The following DOCK10 variants were observed in gnomAD, a reference collection of about 807,000 sequenced individuals.
DOCK10 encodes dedicator of cytokinesis 10.
A neutral mutation model predicts 280.1 loss-of-function variants in DOCK10; 145 were observed. The observed-to-expected ratio is 0.52, with a 90% CI of 0.45 to 0.59. The LOEUF (loss-of-function observed/expected upper bound fraction) is 0.59. DOCK10 is among the 20% of genes least tolerant of loss of function. The pLI, the probability that DOCK10 is intolerant of heterozygous loss-of-function variation, is 0.00. For missense variants in DOCK10, 2,368 were observed against 2,651.7 expected (o/e 0.89, Z 2.35); for synonymous variants, 915 against 942.2 (o/e 0.97, Z 0.53).
intron 47 of DOCK10, among the ~76,000 whole-genome samples, chr2:224,791,631 A>ATTTTTTT (rs11399071): frequency 7.2e-6 from 1 of 139,216 alleles, no homozygotes. Context: ...CGCCCGGCTA[A>ATTTTTTT]TTTTTTTTTT....
chr2:224,828,410 C>T (rs773299748), intron 27 of DOCK10, among the ~76,000 whole-genome samples: 16 of 151,930 alleles, frequency 1.1e-4, no homozygotes, highest in Non-Finnish European at 2.1e-4. Flanking sequence ...TAAGCAAAGT[C>T]GAAATGTCTG....
intron 2 of DOCK10, among the ~76,000 whole-genome samples, chr2:224,923,051 C>T (rs1701857904): frequency 6.6e-6 from 1 of 152,134 alleles, no homozygotes; most frequent in African/African-American, 2.4e-5. Flanking sequence ...ACATCTTTTA[C>T]CACATTCAGA....
intron 51 of DOCK10, among the ~76,000 whole-genome samples, chr2:224,775,616 C>T (rs1690796206): frequency 6.6e-6 from 1 of 152,082 alleles, no homozygotes. Flanking sequence ...GCTGAGATTA[C>T]AGGCATGTGC....
At chr2:224,884,855 A>G (rs973366869) in intron 7 of DOCK10, among the ~76,000 whole-genome samples, 2 of 152,186 alleles carry the variant, frequency 1.3e-5, no homozygotes, top group African/African-American at 2.4e-5. Flanking sequence ...TGTCATTTGC[A>G]TATTATTTTA....
chr2:225,015,191 A>G (rs377345286), intron 1 of DOCK10, among the ~76,000 whole-genome samples: 3 of 152,338 alleles, frequency 2.0e-5, no homozygotes, highest in South Asian at 4.1e-4. Context: ...TTACTAATAT[A>G]GCCAATACAT....
chr2:224,916,595 T>A, intron 3 of DOCK10, 100 bp downstream of exon 3: 2 of 684,816 alleles, frequency 2.9e-6, no homozygotes, highest in Non-Finnish European at 2.4e-6. Flanking sequence ...TGGAATTATC[T>A]ATTGAAAATG....
At chr2:224,766,077 AT>A (rs1261561590) in intron 55 of DOCK10, among the ~76,000 whole-genome samples, 8 of 152,230 alleles carry the variant, frequency 5.3e-5, no homozygotes, top group Admixed American at 1.3e-4. Context: ...ACATAAATTT[AT>A]AAATGTTTGG....
chr2:224,880,689 T>C (rs1322404493), intron 7 of DOCK10, among the ~76,000 whole-genome samples: 1 of 152,216 alleles, frequency 6.6e-6, no homozygotes, highest in African/African-American at 2.4e-5. Flanking sequence ...TGTGGCAAAC[T>C]GTTCTGCTTC....
chr2:224,781,651 G>A (rs922459363), intron 50 of DOCK10, among the ~76,000 whole-genome samples: 2 of 152,166 alleles, frequency 1.3e-5, no homozygotes, highest in Admixed American at 6.5e-5. Context: ...AAGGCAATGG[G>A]AAATGTGATC....
intron 2 of DOCK10, among the ~76,000 whole-genome samples, chr2:224,918,916 G>GGTATGTGTGGTGT (rs1701505558): frequency 6.8e-6 from 1 of 146,242 alleles, no homozygotes; most frequent in South Asian, 2.2e-4. Flanking sequence ...TGGTGTGTGT[G>GGTATGTGTGGTGT]GTATGTGTGG....
At position 224,853,125 on chromosome 2, in the gene DOCK10, TA is replaced by T. The variant is rs753601721; in HGVS notation, c.1889-4del. ...GATAAAGGACGATGTTACACAATCT[TA>T]AAAAATCAGAAAATAAGAGTTTGTC... is the stretch of plus-strand genomic sequence containing the variant. On this transcript the variant is annotated splice_polypyrimidine_tract_variant and splice_region_variant and intron_variant, in intron 16 of 55. Coordinates refer to ENST00000258390, the MANE Select transcript of DOCK10 (RefSeq NM_014689.3). 1.3e-6 allele frequency: 2 copies of T among 1,553,918 alleles called. No homozygotes were observed. The highest frequency in any genetic ancestry group is 1.4e-5 in the African/African-American group (1 of 72,744).
chr2:224,968,171 A>G (rs1704882784), intron 1 of DOCK10, among the ~76,000 whole-genome samples: 1 of 152,254 alleles, frequency 6.6e-6, no homozygotes, highest in African/African-American at 2.4e-5. Flanking sequence ...GAAATCAAGT[A>G]TGTGTGAAAC....
At chr2:224,993,311 A>G (rs1352640474) in intron 1 of DOCK10, among the ~76,000 whole-genome samples, 1 of 151,130 alleles carries the variant, frequency 6.6e-6, no homozygotes, top group Non-Finnish European at 1.5e-5. Flanking sequence ...GAGAAATGGG[A>G]ATGGTAGTCA....
chr2:225,041,775 G>A (rs1241043129), intron 1 of DOCK10, among the ~76,000 whole-genome samples: 2 of 152,126 alleles, frequency 1.3e-5, no homozygotes, highest in South Asian at 2.1e-4. Context: ...TCTAACCAGG[G>A]CGAGGACCAC....
At chr2:224,961,414 CTTTCTTTCTT>C (rs1575119528) in intron 1 of DOCK10, among the ~76,000 whole-genome samples, 1 of 82,992 alleles carries the variant, frequency 1.2e-5, no homozygotes, top group Admixed American at 1.4e-4. Context: ...CTTTCTTTCT[CTTTCTTTCTT>C]TCTTTCTTTC....
intron 18 of DOCK10, among the ~76,000 whole-genome samples, chr2:224,850,790 G>GCTCT (rs903769141): frequency 6.6e-6 from 1 of 151,720 alleles, no homozygotes; most frequent in Non-Finnish European, 1.5e-5. Context: ...ACTCACACAT[G>GCTCT]CTCTCTCTCT....
chr2:224,784,774 G>A (rs1691620336), intron 50 of DOCK10: 1 of 1,289,416 alleles, frequency 7.8e-7, no homozygotes, highest in Non-Finnish European at 1.0e-6. Flanking sequence ...GAAGAAAAGA[G>A]TAAACATCTG....
chr2:225,042,199 C>A lies in DOCK10; in HGVS notation c.123+53G>T. Reference sequence around the variant, plus strand: ...GCTTTTGGGGAAGCTGGGCTCCGTTCCCCCCGGGCGCCTGGGGCGCGCGGG... The same window carrying A: ...GCTTTTGGGGAAGCTGGGCTCCGTTACCCCCGGGCGCCTGGGGCGCGCGGG... On this transcript the variant is annotated intron_variant, in intron 1 of 55. Transcript: ENST00000258390. This position sits in a 1 kb window ranked among gnomAD's most constrained non-coding sequence, Gnocchi z 5.1. The A allele has an allele frequency of 4.1e-6, 5 of 1,226,260 alleles. No homozygotes were observed. Among genetic ancestry groups the A allele is most frequent in the Non-Finnish European group, 5.1e-6 (5 of 984,022 alleles). 76.0% of individuals were successfully genotyped at this position (1,226,260 alleles called of 1,614,324 possible). A position where few individuals can be genotyped will look rare whatever the true frequency, so the allele number is the denominator to read the frequency against.
chr2:224,963,369 G>A (rs913102469), intron 1 of DOCK10, among the ~76,000 whole-genome samples: 1 of 152,154 alleles, frequency 6.6e-6, no homozygotes, highest in Non-Finnish European at 1.5e-5. Context: ...TAGATCAATA[G>A]TTTACTCGTG....
Sources: allele counts gnomAD v4.1 joint callset (sites outside exome capture counted in the v4.1 genomes callset), GRCh38; gene constraint gnomAD v4.1.1; non-coding constraint Gnocchi (gnomAD v3.1); transcripts MANE v1.5; gene names NCBI Gene and HGNC (gene_info 2026-07-23, HGNC 2026-07-21).